The following CDH8 variants were observed in gnomAD, a reference collection of about 807,000 sequenced individuals.
The protein encoded by CDH8 is cadherin 8.
In CDH8, 17 loss-of-function variants were observed where a neutral mutation model predicts 68.1. The observed-to-expected ratio is 0.25, with a 90% confidence interval of 0.17 to 0.37. The LOEUF is 0.37. Ranked by LOEUF, CDH8 falls within the 10% of genes least tolerant of loss-of-function variation. The probability of loss-of-function intolerance (pLI) is 1.00; values close to 1 mark genes in which losing one functional copy is unlikely to be tolerated. For missense variants in CDH8, 763 were observed against 999.3 expected (o/e 0.76, Z 3.19); for synonymous variants, 372 against 365.1 (o/e 1.02, Z -0.21).
intron 2 of CDH8, among the ~76,000 whole-genome samples, chr16:62,013,261 CAAAAAAAAA>C (rs1165564723): frequency 6.2e-4 from 4 of 6,404 alleles, no homozygotes; most frequent in African/African-American, 2.2e-3. Flanking sequence ...GACTCCGTCT[CAAAAAAAAA>C]AAAAAAAAAA....
chr16:61,659,026 T>C (rs1403238042), intron 10 of CDH8, among the ~76,000 whole-genome samples: 3 of 152,314 alleles, frequency 2.0e-5, no homozygotes, highest in East Asian at 1.9e-4. Context: ...AACTCACTGC[T>C]GCTGGTATAT....
At position 61,825,155 on chromosome 16, in the gene CDH8, T is replaced by C; in HGVS notation, c.692A>G (p.Asn231Ser). 1.2e-6 allele frequency: 2 copies of C among 1,607,184 alleles called. No individual in the cohort carries two copies. Among genetic ancestry groups the C allele is most frequent in the Non-Finnish European group, 1.7e-6 (2 of 1,177,526 alleles). The change falls in exon 5 of 12, where the codon AAC becomes AGC. Residue 231 changes from asparagine (N) to serine (S), a missense_variant. Transcript: ENST00000577390. ...ETAIIKTALPNMDREAKEEYL... is the reference protein window; with the variant it reads ...ETAIIKTALPSMDREAKEEYL... ...CTCCTCCTTGGCTTCTCTGTCCATG[T>C]TGGGAAGGGCAGTTTTTATAATAGC...
At chr16:61,864,271 TTGGTTGGTTGGC>T (rs147244664) in intron 3 of CDH8, among the ~76,000 whole-genome samples, 3,111 of 150,908 alleles carry the variant, frequency 0.021, 106 homozygotes, top group African/African-American at 0.072. Context: ...TGTTGGTTGG[TTGGTTGGTTGGC>T]TGGATGTCCG....
At chr16:61,859,569 C>G (rs1963113715) in intron 3 of CDH8, among the ~76,000 whole-genome samples, 1 of 152,160 alleles carries the variant, frequency 6.6e-6, no homozygotes, top group Non-Finnish European at 1.5e-5. Context: ...AGTAGAGACA[C>G]AGATTAGGAG....
At chr16:61,967,418 A>G (rs1296361294) in intron 2 of CDH8, among the ~76,000 whole-genome samples, 1 of 152,216 alleles carries the variant, frequency 6.6e-6, no homozygotes, top group East Asian at 1.9e-4. Context: ...TGCTGGGATT[A>G]AAATATTCTT....
In CDH8 at chr16:61,839,376, T is replaced by C. The variant is rs2143007629; in HGVS notation, c.668-14197A>G. Among the ~76,000 whole-genome samples the C allele has an allele frequency of 2.0e-5, 3 of 152,246 alleles. No homozygotes were observed. The Middle Eastern group carries it at 0.01, about 518-fold the overall frequency. On this transcript the variant is annotated intron_variant, in intron 4 of 11. Transcript: ENST00000577390. Reference sequence around the variant, plus strand: ...TTCCCAAAGTGTGAACTTAGTTTTATTGTATTTGTTTTATATATTTAGAGG... The same window carrying C: ...TTCCCAAAGTGTGAACTTAGTTTTACTGTATTTGTTTTATATATTTAGAGG...
intron 10 of CDH8, among the ~76,000 whole-genome samples, chr16:61,659,346 C>T (rs1406421265): frequency 6.6e-6 from 1 of 152,160 alleles, no homozygotes; most frequent in Non-Finnish European, 1.5e-5. Context: ...TGTCTCAGCT[C>T]AGTGAGGTAG....
At chr16:61,725,439 G>T (rs1161777107) in intron 9 of CDH8, 1 of 150,770 alleles carries the variant, frequency 6.6e-6, no homozygotes, top group Non-Finnish European at 1.5e-5. Flanking sequence ...GATGAGTTTT[G>T]CATGAGCAAT....
At chr16:61,978,650 T>G (rs1965481723) in intron 2 of CDH8, among the ~76,000 whole-genome samples, 1 of 152,142 alleles carries the variant, frequency 6.6e-6, no homozygotes, top group Non-Finnish European at 1.5e-5. Flanking sequence ...ACTTGACATA[T>G]GAGAAAATTG....
At chr16:61,682,895 T>C (rs1964040010) in intron 10 of CDH8, among the ~76,000 whole-genome samples, 1 of 151,934 alleles carries the variant, frequency 6.6e-6, no homozygotes, top group African/African-American at 2.4e-5. Context: ...AACGATTCCA[T>C]CTATAAGGAC....
chr16:61,775,467 A>G (rs896979462), intron 8 of CDH8, among the ~76,000 whole-genome samples: 4 of 151,986 alleles, frequency 2.6e-5, no homozygotes, highest in African/African-American at 9.7e-5. Flanking sequence ...AAATATGGCC[A>G]TATTATTTCT....
chr16:61,851,347 C>CA (rs34208461), intron 4 of CDH8, among the ~76,000 whole-genome samples: 1 of 151,380 alleles, frequency 6.6e-6, no homozygotes, highest in Non-Finnish European at 1.5e-5. Context: ...GTCTGAGTTT[C>CA]AAAAAAAGGT....
chr16:61,843,525 TAA>T (rs1962732532), intron 4 of CDH8, among the ~76,000 whole-genome samples: 1 of 152,202 alleles, frequency 6.6e-6, no homozygotes, highest in Non-Finnish European at 1.5e-5. Flanking sequence ...AAGTGAAACC[TAA>T]CTCTGACTCC....
intron 1 of CDH8, chr16:62,032,159 A>T (rs1340915413): frequency 6.6e-6 from 1 of 152,212 alleles, no homozygotes; most frequent in Non-Finnish European, 1.5e-5. Context: ...CCAGCGCCAC[A>T]GATAACATTT....
At chr16:61,790,915 A>G (rs533274215) in intron 7 of CDH8, among the ~76,000 whole-genome samples, 15 of 152,012 alleles carry the variant, frequency 9.9e-5, no homozygotes, top group Admixed American at 9.2e-4. Flanking sequence ...CATTTTAGCT[A>G]TTTCTTTTTC....
intron 2 of CDH8, among the ~76,000 whole-genome samples, chr16:61,999,129 T>C (rs1965852587): frequency 6.6e-6 from 1 of 152,098 alleles, no homozygotes; most frequent in Admixed American, 6.6e-5. Context: ...ATAAAGAGAG[T>C]AGCTTTCATC....
At chr16:61,963,196 A>C (rs1181401003) in intron 2 of CDH8, among the ~76,000 whole-genome samples, 2 of 152,164 alleles carry the variant, frequency 1.3e-5, no homozygotes, top group Non-Finnish European at 2.9e-5. Context: ...AAGGAATGAT[A>C]AGGCATGGTG....
At chr16:61,720,262 A>G (rs1959207391) in intron 9 of CDH8, among the ~76,000 whole-genome samples, 1 of 150,874 alleles carries the variant, frequency 6.6e-6, no homozygotes, top group Non-Finnish European at 1.5e-5. Flanking sequence ...AATTTACATC[A>G]CAAACACAAA....
chr16:61,768,346 C>CTCTCTCCCTT (rs1960661022), intron 8 of CDH8, among the ~76,000 whole-genome samples: 1 of 107,118 alleles, frequency 9.3e-6, no homozygotes, highest in African/African-American at 3.9e-5. Flanking sequence ...CTCTCTCTCT[C>CTCTCTCCCTT]TCTCTCTCTC....
Sources: gnomAD v4.1 joint callset for allele counts (sites outside exome capture counted in the v4.1 genomes callset) on GRCh38, gnomAD v4.1.1 for gene constraint, MANE v1.5 for transcripts, NCBI Gene and HGNC (gene_info 2026-07-23, HGNC 2026-07-21) for gene names.